The following WDFY4 variants were observed in gnomAD, a reference collection of about 807,000 sequenced individuals.
WDFY4 encodes WDFY family member 4.
A neutral mutation model predicts 351.9 loss-of-function variants in WDFY4; 169 were observed. The observed-to-expected ratio is 0.48, with a 90% CI of 0.42 to 0.55. The LOEUF (loss-of-function observed/expected upper bound fraction) is 0.55. WDFY4 is among the 20% of genes least tolerant of loss of function. The pLI is 0.00. For missense variants in WDFY4, 3,803 were observed against 3,935.6 expected, an observed-to-expected ratio of 0.97 and a Z score of 0.90; for synonymous variants, 1,622 against 1,574.6, an observed-to-expected ratio of 1.03 and a Z score of -0.71.
At chr10:48,963,501 C>T (rs964741448) in intron 53 of WDFY4, among the ~76,000 whole-genome samples, 3 of 152,298 alleles carry the variant, frequency 2.0e-5, no homozygotes, top group South Asian at 4.1e-4. Context: ...CTCAGCAAGA[C>T]CCCAAGACTT....
At chr10:48,775,657 G>T in intron 14 of WDFY4, 55 bp from the exon 15 acceptor site, 1 of 1,493,712 alleles carries the variant, frequency 6.7e-7, no homozygotes, top group South Asian at 1.2e-5. Flanking sequence ...TAAAGTTGGA[G>T]AACACTGTTG....
chr10:48,867,304 C>T lies in WDFY4; in HGVS notation c.6703C>T (p.Gln2235Ter). 6.7e-7 allele frequency: 1 copy of T among 1,501,208 alleles called. No individual in the cohort carries two copies. Among genetic ancestry groups the T allele is most frequent in the Non-Finnish European group, 8.9e-7 (1 of 1,120,530 alleles). The allele number at this position is 1,501,208 out of a possible 1,614,324, so 93.0% of individuals were successfully genotyped here. Residue 2235 changes from glutamine (Q) to a stop codon, truncating the protein, a stop_gained, in exon 40 of 62, where the codon CAA becomes TAA. Transcript: ENST00000325239. LOFTEE classifies it high-confidence loss of function. ...SCIENYRRRGQELYASLYKDH... is the reference protein window; with the variant it reads ...SCIENYRRRG ...TATAGAGAACTACAGAAGAAGAGGACAAGAGCTATATGCATCTTTATACAA... is the reference window on the plus strand; with the variant it reads ...TATAGAGAACTACAGAAGAAGAGGATAAGAGCTATATGCATCTTTATACAA...
chr10:48,784,903 G>A (rs2132686196), intron 19 of WDFY4, among the ~76,000 whole-genome samples: 1 of 143,066 alleles, frequency 7.0e-6, no homozygotes, highest in South Asian at 2.2e-4. Flanking sequence ...GTCACCCCAG[G>A]CTGGAGTGCA....
At chr10:48,879,851 C>T (rs930769202) in intron 43 of WDFY4, among the ~76,000 whole-genome samples, 2 of 152,176 alleles carry the variant, frequency 1.3e-5, no homozygotes, top group Admixed American at 1.3e-4. Context: ...ACCCTTCTCA[C>T]CCTTCATATC....
chr10:48,768,723 A>AAGAG (rs71026224), intron 13 of WDFY4, among the ~76,000 whole-genome samples: 1,852 of 141,028 alleles, frequency 0.013, 24 homozygotes, highest in African/African-American at 0.031. Context: ...GGGAGAGGAG[A>AAGAG]AGAGAGAGAG....
intron 24 of WDFY4, among the ~76,000 whole-genome samples, chr10:48,797,958 T>C (rs1408094303): frequency 6.6e-6 from 1 of 152,210 alleles, no homozygotes; most frequent in Non-Finnish European, 1.5e-5. Flanking sequence ...GGTCATGAGA[T>C]GATTGAAGAA....
intron 43 of WDFY4, chr10:48,883,847 C>T (rs2070353131): frequency 6.6e-6 from 1 of 152,218 alleles, no homozygotes; most frequent in Non-Finnish European, 1.5e-5. Flanking sequence ...GTTCTGGTTG[C>T]CTCTAGTGAT....
intron 13 of WDFY4, among the ~76,000 whole-genome samples, chr10:48,763,739 A>T (rs2065584288): frequency 6.6e-6 from 1 of 152,254 alleles, no homozygotes; most frequent in African/African-American, 2.4e-5. Context: ...TAAGTAATTT[A>T]GGAAAAGTCT....
chr10:48,976,157 G>T (rs1475844088), intron 58 of WDFY4, among the ~76,000 whole-genome samples: 4 of 152,220 alleles, frequency 2.6e-5, no homozygotes. Context: ...GTGAGATGTG[G>T]AGGGGCACTG....
At chr10:48,807,353 G>A (rs1183536532) in intron 27 of WDFY4, among the ~76,000 whole-genome samples, 2 of 152,202 alleles carry the variant, frequency 1.3e-5, no homozygotes. Flanking sequence ...CTCTTCAGAA[G>A]TAAAGTTTCT....
intron 42 of WDFY4, 46 bp downstream of exon 42, chr10:48,875,186 T>G (rs2069948614): frequency 9.1e-7 from 1 of 1,097,648 alleles, no homozygotes; most frequent in Non-Finnish European, 1.2e-6. Context: ...AGCTAATTAT[T>G]GGTTTTATTT....
intron 38 of WDFY4, 90 bp from the exon 39 acceptor site, chr10:48,832,483 C>T (rs2068223213): frequency 1.4e-6 from 2 of 1,399,088 alleles, no homozygotes; most frequent in South Asian, 1.6e-5. Flanking sequence ...GGGCTCATGC[C>T]CCTGGCTGGC....
At chr10:48,838,986 C>T (rs2068504571) in intron 39 of WDFY4, among the ~76,000 whole-genome samples, 1 of 152,098 alleles carries the variant, frequency 6.6e-6, no homozygotes, top group African/African-American at 2.4e-5. Context: ...TTGGAGAATC[C>T]CATGCTGCAG....
chr10:48,798,794 C>T (rs1589637303), intron 24 of WDFY4, among the ~76,000 whole-genome samples: 1 of 152,182 alleles, frequency 6.6e-6, no homozygotes, highest in Non-Finnish European at 1.5e-5. Context: ...TGAAAAAGTA[C>T]AGGCTAATCT....
intron 51 of WDFY4, among the ~76,000 whole-genome samples, chr10:48,955,075 G>A (rs777576469): frequency 1.4e-4 from 22 of 152,322 alleles, no homozygotes; most frequent in Admixed American, 9.1e-4. Context: ...GAAACAGGAC[G>A]AGGAGTAGGC....
chr10:48,713,398 A>G (rs1177495623), intron 2 of WDFY4, among the ~76,000 whole-genome samples: 1 of 152,242 alleles, frequency 6.6e-6, no homozygotes, highest in Non-Finnish European at 1.5e-5. Context: ...TCCTTCAAAC[A>G]CGAGCACTGA....
Position 48,729,546 on chromosome 10 carries a change from T to G in WDFY4, c.1086T>G (p.Thr362=). 1 of 1,551,720 alleles carries G rather than the reference T, an allele frequency of 6.4e-7. No homozygotes were observed. Among genetic ancestry groups the G allele is most frequent in the Middle Eastern group, 1.7e-4 (1 of 5,990 alleles). ...AGCTGAAGGTGTTTGACAGCATCAC[T>G]TACCCTCAGCTTGAAGGCTTCAAGT... ...RSELKVFDSI[T]YPQLEGFKFH... The change falls in exon 8 of 62, where the codon ACT becomes ACG. Residue 362 remains threonine, a synonymous_variant. Coordinates refer to ENST00000325239, the MANE Select transcript of WDFY4 (RefSeq NM_001394531.1).
At chr10:48,937,864 T>C (rs1285375732) in intron 47 of WDFY4, among the ~76,000 whole-genome samples, 1 of 152,118 alleles carries the variant, frequency 6.6e-6, no homozygotes, top group Non-Finnish European at 1.5e-5. Context: ...GAGAAATAAA[T>C]GGGGAGAGAG....
chr10:48,797,400 TA>T (rs1444479552), intron 24 of WDFY4, among the ~76,000 whole-genome samples: 3 of 152,234 alleles, frequency 2.0e-5, no homozygotes. Context: ...TATTATAGAA[TA>T]TTTTTTAATT....
Sources: allele counts gnomAD v4.1 joint callset (sites outside exome capture counted in the v4.1 genomes callset), GRCh38; gene constraint gnomAD v4.1.1; transcripts MANE v1.5; gene names NCBI Gene and HGNC (gene_info 2026-07-23, HGNC 2026-07-21).